Variants in CACNG2 observed in about 807,000 individuals in gnomAD.
The protein encoded by CACNG2 is voltage-dependent calcium channel gamma-2 subunit.
Under a neutral mutation model 25.9 loss-of-function variants are expected in CACNG2, and 3 were observed. That is an observed-to-expected ratio of 0.12 (90% CI 0.05 to 0.30). The LOEUF (loss-of-function observed/expected upper bound fraction) is 0.30, where lower values mean the gene tolerates loss of function less well. Ranked by LOEUF, CACNG2 falls within the 10% of genes least tolerant of loss-of-function variation. CACNG2 has a pLI of 1.00. For missense variants in CACNG2, 341 were observed against 432.5 expected, an observed-to-expected ratio of 0.79 and a Z score of 1.88; for synonymous variants, 167 against 173.3, an observed-to-expected ratio of 0.96 and a Z score of 0.29.
chr22:36,565,587 T>G (rs1935111729), intron 3 of CACNG2, among the ~76,000 whole-genome samples: 1 of 152,032 alleles, frequency 6.6e-6, no homozygotes, highest in African/African-American at 2.4e-5. Flanking sequence ...CAAGCGATCC[T>G]CCCACCTTAG....
At chr22:36,617,710 G>A (rs1039927134) in intron 1 of CACNG2, among the ~76,000 whole-genome samples, 1 of 149,470 alleles carries the variant, frequency 6.7e-6, no homozygotes, top group Non-Finnish European at 1.5e-5. Flanking sequence ...GATGGATATG[G>A]GCTTTAGAAT....
intron 1 of CACNG2, among the ~76,000 whole-genome samples, chr22:36,602,341 AAT>A (rs1935765301): frequency 6.6e-6 from 1 of 152,000 alleles, no homozygotes; most frequent in South Asian, 2.1e-4. Context: ...TGTTTGTTAA[AAT>A]AGTCTTTTAT....
intron 1 of CACNG2, among the ~76,000 whole-genome samples, chr22:36,601,151 C>G (rs1307301257): frequency 1.3e-5 from 2 of 152,208 alleles, no homozygotes; most frequent in African/African-American, 4.8e-5. Context: ...TTTCTTCCCT[C>G]TCACCCCAGA....
rs141289322 is a variant in CACNG2 at position 36,570,718 on chromosome 22, G to A, written c.296-4225C>T. Among the ~76,000 whole-genome samples the A allele has an allele frequency of 5.7e-3, 819 of 143,750 alleles. 9 individuals carry two copies. The highest frequency in any genetic ancestry group is 0.02 in the African/African-American group (771 of 37,648). The allele number at this position is 143,750 out of a possible 152,430, so 94.3% of individuals were successfully genotyped here. A position where few individuals can be genotyped will look rare whatever the true frequency, so the allele number is the denominator to read the frequency against. On this transcript the variant is annotated intron_variant, in intron 2 of 3. Coordinates refer to ENST00000300105, the MANE Select transcript of CACNG2 (RefSeq NM_006078.5). ...GCGGAGGTTGCAGTGAGCTGAGATC[G>A]CGCCACTGCACCCCAGCCTGGGCAA... is the stretch of plus-strand genomic sequence containing the variant.
rs1936481948 is a variant in CACNG2, at chr22:36,643,930, G to A, written c.212-56382C>T. On this transcript the variant is annotated intron_variant, in intron 1 of 3. Transcript: ENST00000300105. ...AGCACCTTGCCCAAGGTTACATCCGGAAAATGGCAGAGTTGAGAGAAATTC... is the reference window on the plus strand; with the variant it reads ...AGCACCTTGCCCAAGGTTACATCCGAAAAATGGCAGAGTTGAGAGAAATTC... Among the ~76,000 whole-genome samples the A allele has an allele frequency of 2.0e-5, 3 of 152,274 alleles. No homozygotes were observed. The South Asian group carries it at 6.2e-4, about 32-fold the overall frequency.
At chr22:36,669,627 G>A (rs757299978) in intron 1 of CACNG2, among the ~76,000 whole-genome samples, 6 of 151,738 alleles carry the variant, frequency 4.0e-5, no homozygotes, top group South Asian at 2.1e-4. Context: ...GCATGTACGC[G>A]CATGAGTGTG....
At chr22:36,653,078 T>G (rs1371935363) in intron 1 of CACNG2, among the ~76,000 whole-genome samples, 1 of 152,152 alleles carries the variant, frequency 6.6e-6, no homozygotes, top group East Asian at 1.9e-4. Flanking sequence ...TCCCAACATT[T>G]TGGGAGGCCG....
At chr22:36,579,704 C>T (rs144020029) in intron 2 of CACNG2, among the ~76,000 whole-genome samples, 2 of 152,204 alleles carry the variant, frequency 1.3e-5, no homozygotes, top group Admixed American at 6.5e-5. Context: ...GCCTTCCCCT[C>T]GTCTGCTTAT....
chr22:36,616,609 T>TA (rs1422054850), intron 1 of CACNG2, among the ~76,000 whole-genome samples: 2 of 120,692 alleles, frequency 1.7e-5, no homozygotes, highest in African/African-American at 9.5e-5. Flanking sequence ...CTGGAATTGA[T>TA]TTTTTTTTTT....
At chr22:36,680,873 T>TATCACCACCACCACCATCACCATC in intron 1 of CACNG2, among the ~76,000 whole-genome samples, 1 of 131,820 alleles carries the variant, frequency 7.6e-6, no homozygotes, top group Non-Finnish European at 1.7e-5. Context: ...TCACCATCAC[T>TATCACCACCACCACCATCACCATC]ATCACCACCA....
chr22:36,684,281 CT>C (rs1475882915), intron 1 of CACNG2, among the ~76,000 whole-genome samples: 1 of 152,074 alleles, frequency 6.6e-6, no homozygotes. Flanking sequence ...GGTACTATTG[CT>C]TAGGATGAGG....
At chr22:36,579,495 G>C (rs530651581) in intron 2 of CACNG2, among the ~76,000 whole-genome samples, 1 of 148,536 alleles carries the variant, frequency 6.7e-6, no homozygotes, top group African/African-American at 2.5e-5. Context: ...CTCCACTACC[G>C]GGCCCGAGCA....
At chr22:36,647,863 T>TTG (rs71789151) in intron 1 of CACNG2, among the ~76,000 whole-genome samples, 6 of 151,672 alleles carry the variant, frequency 4.0e-5, no homozygotes, top group Non-Finnish European at 8.8e-5. Flanking sequence ...CAGTTTGTAG[T>TTG]TGTGTGTGTG....
chr22:36,591,101 A>G (rs1389805570), intron 1 of CACNG2, among the ~76,000 whole-genome samples: 1 of 151,458 alleles, frequency 6.6e-6, no homozygotes, highest in Non-Finnish European at 1.5e-5. Flanking sequence ...CAGTGGCACA[A>G]TCTCGGCTCA....
At chr22:36,655,637 G>A (rs1936690452) in intron 1 of CACNG2, among the ~76,000 whole-genome samples, 1 of 152,124 alleles carries the variant, frequency 6.6e-6, no homozygotes, top group Non-Finnish European at 1.5e-5. Flanking sequence ...ATCAATGGGT[G>A]CAGTTCACTT....
rs923452805 is a variant in CACNG2 at position 36,661,111 on chromosome 22, C to T, written c.211+41255G>A. On this transcript the variant is annotated intron_variant, in intron 1 of 3. Coordinates refer to ENST00000300105, the MANE Select transcript of CACNG2 (RefSeq NM_006078.5). ...CCGTGAAATCAATCAACTCCGTGCT[C>T]GGACCCTCCCAGGCACACCGTTTGA... Among the ~76,000 whole-genome samples the T allele has an allele frequency of 2.0e-5, 3 of 152,168 alleles. 1 individual carries two copies. Among genetic ancestry groups the T allele is most frequent in the Non-Finnish European group, 4.4e-5 (3 of 68,034 alleles).
At chr22:36,573,626 A>G (rs1301380670) in intron 2 of CACNG2, among the ~76,000 whole-genome samples, 2 of 152,076 alleles carry the variant, frequency 1.3e-5, no homozygotes, top group East Asian at 1.9e-4. Flanking sequence ...GCCACCACAC[A>G]TGGCCTATAT....
In CACNG2 at chr22:36,587,666, C is replaced by T. The variant is rs548518126; in HGVS notation, c.212-118G>A. On this transcript the variant is annotated intron_variant, in intron 1 of 3. Coordinates refer to ENST00000300105, the MANE Select transcript of CACNG2 (RefSeq NM_006078.5). ...AAACTCACTCAGCCCTCTCCCTCAC[C>T]CCTGAAGGAAGGTTTCGCTTTGTCC... 309 of 785,662 alleles carry T rather than the reference C, an allele frequency of 3.9e-4. 2 individuals are homozygous for T. The South Asian group carries it at 4.1e-3, about 11-fold the overall frequency. The allele number at this position is 785,662 out of a possible 1,614,324, so 48.7% of individuals were successfully genotyped here.
chr22:36,606,550 A>G lies in CACNG2; in HGVS notation c.212-19002T>C, dbSNP rs984378060. ...GGGTAGTAGGGACAGTGCATGGCAT[A>G]ATCTGGGTACTGGCAGGTTGTCAGG... is the stretch of plus-strand genomic sequence containing the variant. On this transcript the variant is annotated intron_variant, in intron 1 of 3. Coordinates refer to ENST00000300105, the MANE Select transcript of CACNG2 (RefSeq NM_006078.5). The surrounding 1 kb of genome is among the most constrained non-coding windows in gnomAD (Gnocchi z 5.7). 2.0e-5 allele frequency among the ~76,000 whole-genome samples: 3 copies of G among 151,960 alleles called. No homozygotes were observed. Among genetic ancestry groups the G allele is most frequent in the Non-Finnish European group, 4.4e-5 (3 of 67,976 alleles).
Sources: gnomAD v4.1 joint callset for allele counts (sites outside exome capture counted in the v4.1 genomes callset) on GRCh38, gnomAD v4.1.1 for gene constraint, Gnocchi (gnomAD v3.1) non-coding constraint, MANE v1.5 for transcripts, NCBI Gene and HGNC (gene_info 2026-07-23, HGNC 2026-07-21) for gene names.